Variants in TMEM135 observed in about 807,000 individuals in gnomAD.
TMEM135 encodes transmembrane protein 135, also known as peroxisomal membrane protein 52.
Under a neutral mutation model 60.3 loss-of-function variants are expected in TMEM135, and 30 were observed. That is an observed-to-expected ratio of 0.50 (90% CI 0.37 to 0.68). The LOEUF is 0.68. TMEM135 is among the 30% of genes least tolerant of loss of function. The pLI, the probability that TMEM135 is intolerant of heterozygous loss-of-function variation, is 0.00. For missense variants in TMEM135, 468 were observed against 548.8 expected, an observed-to-expected ratio of 0.85 and a Z score of 1.47; for synonymous variants, 190 against 186.7, an observed-to-expected ratio of 1.02 and a Z score of -0.14.
rs138923648 is a variant in TMEM135 at position 87,078,260 on chromosome 11, T to C, written c.362+6645T>C. ...TATCACTTGTTATTACATGTCTTTC[T>C]GATGATAGTCATTGTAGTGAGTGTG... On this transcript the variant is annotated intron_variant, in intron 3 of 14. Coordinates refer to ENST00000305494, the MANE Select transcript of TMEM135 (RefSeq NM_022918.4). 2.0e-5 allele frequency among the ~76,000 whole-genome samples: 3 copies of C among 152,364 alleles called. No individual in the cohort carries two copies. The East Asian group carries it at 5.8e-4, about 29-fold the overall frequency.
chr11:87,224,963 A>G (rs979856541), intron 5 of TMEM135, among the ~76,000 whole-genome samples: 3 of 152,118 alleles, frequency 2.0e-5, no homozygotes, highest in East Asian at 3.8e-4. Flanking sequence ...TTTAAAAATT[A>G]TGCTTCTTAC....
At chr11:87,170,426 C>T (rs1040615832) in intron 5 of TMEM135, among the ~76,000 whole-genome samples, 1 of 152,134 alleles carries the variant, frequency 6.6e-6, no homozygotes, top group East Asian at 1.9e-4. Context: ...GTGAATGTAT[C>T]TACCTTTGTT....
chr11:87,199,820 C>G (rs963568988), intron 5 of TMEM135, among the ~76,000 whole-genome samples: 3 of 152,120 alleles, frequency 2.0e-5, no homozygotes, highest in Non-Finnish European at 4.4e-5. Flanking sequence ...ATCCCAGCTA[C>G]TAGGGAGGCT....
At chr11:87,249,041 G>A (rs1418425796) in intron 6 of TMEM135, among the ~76,000 whole-genome samples, 2 of 152,144 alleles carry the variant, frequency 1.3e-5, no homozygotes, top group African/African-American at 4.8e-5. Context: ...CATCTGCAAA[G>A]AAGGATAATT....
intron 4 of TMEM135, among the ~76,000 whole-genome samples, chr11:87,105,950 G>A (rs1857584157): frequency 6.6e-6 from 1 of 152,000 alleles, no homozygotes; most frequent in Non-Finnish European, 1.5e-5. Context: ...CACAGCTTCT[G>A]GTATTTATCA....
chr11:87,259,941 C>G (rs1198060619), intron 6 of TMEM135, among the ~76,000 whole-genome samples: 1 of 152,144 alleles, frequency 6.6e-6, no homozygotes. Context: ...TGAGTGCTGG[C>G]TGTTTATCAT....
intron 3 of TMEM135, among the ~76,000 whole-genome samples, chr11:87,082,426 G>A (rs1000175097): frequency 9.2e-5 from 14 of 152,094 alleles, no homozygotes; most frequent in African/African-American, 3.4e-4. Flanking sequence ...TACATCTAGT[G>A]CCAAAAATCA....
chr11:87,101,723 C>T (rs1012908578), intron 4 of TMEM135, among the ~76,000 whole-genome samples: 1 of 152,072 alleles, frequency 6.6e-6, no homozygotes, highest in Non-Finnish European at 1.5e-5. Context: ...GCCTATAATC[C>T]CAGCACTTTG....
intron 1 of TMEM135, among the ~76,000 whole-genome samples, chr11:87,061,727 C>T (rs983930244): frequency 1.3e-5 from 2 of 152,158 alleles, no homozygotes; most frequent in Non-Finnish European, 2.9e-5. Flanking sequence ...AGTCAACCAT[C>T]TCTATGGCAA....
intron 6 of TMEM135, among the ~76,000 whole-genome samples, chr11:87,241,691 C>T (rs1207916556): frequency 6.6e-6 from 1 of 151,940 alleles, no homozygotes; most frequent in Non-Finnish European, 1.5e-5. Flanking sequence ...TCTGGTAACC[C>T]GTATTCTACT....
intron 7 of TMEM135, among the ~76,000 whole-genome samples, chr11:87,296,727 T>C (rs891366181): frequency 2.6e-5 from 4 of 152,180 alleles, no homozygotes; most frequent in African/African-American, 9.6e-5. Flanking sequence ...TGGATATTAT[T>C]TTTGTTATAT....
intron 6 of TMEM135, among the ~76,000 whole-genome samples, chr11:87,278,686 A>C (rs1197648355): frequency 6.6e-6 from 1 of 152,212 alleles, no homozygotes; most frequent in Non-Finnish European, 1.5e-5. Flanking sequence ...TTTGAAAATT[A>C]ACTTTGAGTT....
intron 3 of TMEM135, among the ~76,000 whole-genome samples, chr11:87,079,843 CTTTTT>C (rs139184730): frequency 1.9e-5 from 2 of 107,940 alleles, no homozygotes; most frequent in Non-Finnish European, 3.6e-5. Context: ...CTTTTCTTTT[CTTTTT>C]TTTTTTTTTT....
In TMEM135 at chr11:87,328,478, C is replaced by T. The variant is rs534708070; in HGVS notation, c.*7145C>T. 3 of 453,864 alleles carry T rather than the reference C, an allele frequency of 6.6e-6. No homozygotes were observed. The highest frequency in any genetic ancestry group is 2.0e-5 in the African/African-American group (1 of 49,962). The allele number at this position is 453,864 out of a possible 1,614,324, so 28.1% of individuals were successfully genotyped here. A position where few individuals can be genotyped will look rare whatever the true frequency, so the allele number is the denominator to read the frequency against. On this transcript the variant is annotated 3_prime_UTR_variant, in exon 15 of 15. Transcript: ENST00000305494. The stretch of plus-strand genomic sequence containing the variant: ...TGTCACCAGAATAGTGTGCATTGTA[C>T]CCAATATATAGCTTTTTATTCCTTC...
intron 4 of TMEM135, among the ~76,000 whole-genome samples, chr11:87,112,055 T>G (rs74861542): frequency 0.02 from 3,091 of 152,336 alleles, 35 homozygotes; most frequent in Non-Finnish European, 0.028. Context: ...ACCTTATATG[T>G]GGCAATAGTT....
At chr11:87,053,731 A>T (rs757400442) in intron 1 of TMEM135, among the ~76,000 whole-genome samples, 1 of 152,164 alleles carries the variant, frequency 6.6e-6, no homozygotes, top group Non-Finnish European at 1.5e-5. Flanking sequence ...ATAATACTTC[A>T]GATTTATTAT....
At chr11:87,183,107 T>A (rs1305470045) in intron 5 of TMEM135, among the ~76,000 whole-genome samples, 1 of 151,608 alleles carries the variant, frequency 6.6e-6, no homozygotes, top group Non-Finnish European at 1.5e-5. Context: ...ACTGATTTTT[T>A]AAAATTAACA....
At chr11:87,245,392 T>A (rs1941243746) in intron 6 of TMEM135, among the ~76,000 whole-genome samples, 1 of 91,542 alleles carries the variant, frequency 1.1e-5, no homozygotes, top group African/African-American at 4.3e-5. Context: ...CTGAGTTCAA[T>A]TGCTAGGTAT....
chr11:87,300,737 A>G (rs1247839054), intron 7 of TMEM135, among the ~76,000 whole-genome samples: 2 of 152,212 alleles, frequency 1.3e-5, no homozygotes, highest in African/African-American at 2.4e-5. Flanking sequence ...CAAAGAAGAT[A>G]TACATGGTCT....
Sources: gnomAD v4.1 joint callset for allele counts (sites outside exome capture counted in the v4.1 genomes callset) on GRCh38, gnomAD v4.1.1 for gene constraint, MANE v1.5 for transcripts, NCBI Gene and HGNC (gene_info 2026-07-23, HGNC 2026-07-21) for gene names.